Variants in TMOD2 observed in about 807,000 individuals in gnomAD.
The protein encoded by TMOD2 is tropomodulin-2.
In TMOD2, 22 loss-of-function variants were observed where a neutral mutation model predicts 39.9. The observed-to-expected ratio is 0.55, with a 90% CI of 0.39 to 0.79. The LOEUF (loss-of-function observed/expected upper bound fraction) is 0.79, where lower values mean the gene tolerates loss of function less well. TMOD2 is among the 30% of genes least tolerant of loss of function. The pLI is 0.00. For synonymous variants in TMOD2, 123 were observed against 146.1 expected (o/e 0.84, Z 1.14); for missense variants, 386 against 413.3 (o/e 0.93, Z 0.57).
intron 1 of TMOD2, among the ~76,000 whole-genome samples, chr15:51,758,433 AGAT>A (rs2055757516): frequency 6.6e-6 from 1 of 152,208 alleles, no homozygotes; most frequent in South Asian, 2.1e-4. Context: ...CTGTGGGCTT[AGAT>A]GATCTCAGAA....
chr15:51,803,463 G>A (rs2056103444), intron 8 of TMOD2, among the ~76,000 whole-genome samples: 1 of 152,110 alleles, frequency 6.6e-6, no homozygotes, highest in Admixed American at 6.5e-5. Context: ...TTATAGGTGT[G>A]AGCCACCATG....
At chr15:51,798,706 C>T (rs1375697801) in intron 8 of TMOD2, among the ~76,000 whole-genome samples, 1 of 152,200 alleles carries the variant, frequency 6.6e-6, no homozygotes, top group African/African-American at 2.4e-5. Flanking sequence ...CCCAGCCTTA[C>T]TTTTGCTTCT....
chr15:51,795,577 G>T (rs690204), intron 7 of TMOD2, among the ~76,000 whole-genome samples: 9,960 of 40,220 alleles, frequency 0.25, 705 homozygotes, highest in African/African-American at 0.38. Flanking sequence ...TTGCTTGCTT[G>T]CTTTCTTTCT....
In TMOD2 at chr15:51,811,165, C is replaced by T. The variant is rs2056154485; in HGVS notation, c.*2711C>T. 1 of 152,176 alleles carries T rather than the reference C, an allele frequency of 6.6e-6. No homozygotes were observed. The highest frequency in any genetic ancestry group is 2.4e-5 in the African/African-American group (1 of 41,440). The allele number at this position is 152,176 out of a possible 1,614,324, so 9.4% of individuals were successfully genotyped here. A position where few individuals can be genotyped will look rare whatever the true frequency, so the allele number is the denominator to read the frequency against. On this transcript the variant is annotated 3_prime_UTR_variant, in exon 10 of 10. Coordinates refer to ENST00000249700, the MANE Select transcript of TMOD2 (RefSeq NM_014548.4). ...TTAGAAAAACATACACTTGAGGAGC[C>T]TATCCATCATTTAATTAGCCTAGGA...
intron 8 of TMOD2, 31 bp from the exon 9 acceptor site, chr15:51,806,346 A>C (rs369407052): frequency 1.2e-4 from 197 of 1,610,322 alleles, no homozygotes; most frequent in Non-Finnish European, 1.4e-4. Flanking sequence ...CTTCTTGGTC[A>C]TCCTGTGCAT....
intron 1 of TMOD2, among the ~76,000 whole-genome samples, chr15:51,764,085 TAAAAA>T (rs34484778): frequency 2.7e-5 from 4 of 148,176 alleles, no homozygotes; most frequent in Admixed American, 6.7e-5. Context: ...ATTAAAGATT[TAAAAA>T]AAAAAAAGGA....
At chr15:51,781,823 A>T (rs494447) in intron 6 of TMOD2, among the ~76,000 whole-genome samples, 60,886 of 149,212 alleles carry the variant, frequency 0.41, 12,601 homozygotes, top group Admixed American at 0.51. Flanking sequence ...AGAGAGAGAG[A>T]GTGTGTGTGT....
chr15:51,755,920 G>A (rs753286988), intron 1 of TMOD2, among the ~76,000 whole-genome samples: 8 of 151,904 alleles, frequency 5.3e-5, no homozygotes, highest in South Asian at 2.1e-4. Flanking sequence ...CAGGAAACCC[G>A]GTGCCAATCA....
At chr15:51,768,517 T>C (rs1305176015) in intron 3 of TMOD2, 99 bp downstream of exon 3, 1 of 1,217,842 alleles carries the variant, frequency 8.2e-7, no homozygotes. Flanking sequence ...TTTATTTTAT[T>C]GTCGTGGAGG....
At chr15:51,764,678 C>T (rs2055804734) in intron 1 of TMOD2, among the ~76,000 whole-genome samples, 1 of 152,154 alleles carries the variant, frequency 6.6e-6, no homozygotes, top group Non-Finnish European at 1.5e-5. Context: ...TCTTTCCTCT[C>T]CCTTCCTCCA....
At chr15:51,801,615 C>T (rs2056090811) in intron 8 of TMOD2, among the ~76,000 whole-genome samples, 1 of 152,100 alleles carries the variant, frequency 6.6e-6, no homozygotes, top group Non-Finnish European at 1.5e-5. Flanking sequence ...TGGCTAGGCT[C>T]CAGGTCAATG....
At chr15:51,769,672 CT>C (rs1419283529) in intron 3 of TMOD2, among the ~76,000 whole-genome samples, 1 of 152,208 alleles carries the variant, frequency 6.6e-6, no homozygotes, top group Non-Finnish European at 1.5e-5. Context: ...TAGACAGTGA[CT>C]TGAGCTCAAA....
At chr15:51,758,372 A>T (rs2055757068) in intron 1 of TMOD2, among the ~76,000 whole-genome samples, 1 of 152,208 alleles carries the variant, frequency 6.6e-6, no homozygotes, top group Non-Finnish European at 1.5e-5. Context: ...AGATAGCAAG[A>T]TATGTCAAAT....
chr15:51,771,278 C>T (rs1324439823), intron 3 of TMOD2, among the ~76,000 whole-genome samples: 5 of 152,200 alleles, frequency 3.3e-5, no homozygotes, highest in Non-Finnish European at 1.5e-5. Context: ...GACCAGTGAA[C>T]CATCCAGGAG....
chr15:51,783,148 A>T (rs565758585), intron 7 of TMOD2: 1 of 281,416 alleles, frequency 3.6e-6, no homozygotes, highest in Admixed American at 5.1e-5. Flanking sequence ...CAGTCATTGG[A>T]TATCATGACC....
At chr15:51,796,219 C>G (rs1164335215) in intron 7 of TMOD2, among the ~76,000 whole-genome samples, 1 of 152,150 alleles carries the variant, frequency 6.6e-6, no homozygotes, top group Non-Finnish European at 1.5e-5. Context: ...TTGTCACCAT[C>G]TGATAAGCTA....
At chr15:51,801,983 C>T (rs2056093772) in intron 8 of TMOD2, among the ~76,000 whole-genome samples, 1 of 150,596 alleles carries the variant, frequency 6.6e-6, no homozygotes, top group Non-Finnish European at 1.5e-5. Flanking sequence ...TAATACACTA[C>T]ATACTTAGAT....
At chr15:51,759,792 G>C (rs1365776540) in intron 1 of TMOD2, among the ~76,000 whole-genome samples, 1 of 152,142 alleles carries the variant, frequency 6.6e-6, no homozygotes, top group Non-Finnish European at 1.5e-5. Context: ...TAATAAAGAG[G>C]CTATTTACAA....
chr15:51,767,350 C>G (rs942980208), intron 2 of TMOD2, among the ~76,000 whole-genome samples: 1 of 152,140 alleles, frequency 6.6e-6, no homozygotes, highest in African/African-American at 2.4e-5. Flanking sequence ...TTAAAAATAT[C>G]TCATTTCTTT....
Sources: allele counts gnomAD v4.1 joint callset (sites outside exome capture counted in the v4.1 genomes callset), GRCh38; gene constraint gnomAD v4.1.1; transcripts MANE v1.5; gene names NCBI Gene and HGNC (gene_info 2026-07-23, HGNC 2026-07-21).